SNX29: variants seen among roughly 807,000 people sequenced by gnomAD.
The protein encoded by SNX29 is sorting nexin 29.
A neutral mutation model predicts 102.1 loss-of-function variants in SNX29; 78 were observed. The observed-to-expected ratio is 0.76, with a 90% CI of 0.64 to 0.92. SNX29 has a LOEUF of 0.92. Among genes scored for constraint, SNX29 ranks in the 40% least tolerant of loss-of-function variants. The pLI is 0.00. For synonymous variants in SNX29, 580 were observed against 414.5 expected (o/e 1.40, Z -4.85); for missense variants, 1,280 against 1,061.7 (o/e 1.21, Z -2.86).
intron 14 of SNX29, among the ~76,000 whole-genome samples, chr16:12,274,616 A>G (rs2079189817): frequency 6.6e-6 from 1 of 150,908 alleles, no homozygotes; most frequent in Admixed American, 6.6e-5. Flanking sequence ...AGTTCACTGC[A>G]ACCTCTGCCT....
At chr16:12,214,111 A>T (rs537981343) in intron 14 of SNX29, among the ~76,000 whole-genome samples, 1 of 148,804 alleles carries the variant, frequency 6.7e-6, no homozygotes, top group Non-Finnish European at 1.5e-5. Flanking sequence ...GTAACGTTTT[A>T]TTTGTTCGAC....
intron 11 of SNX29, among the ~76,000 whole-genome samples, chr16:12,118,048 G>T (rs1427769988): frequency 6.6e-6 from 1 of 151,392 alleles, no homozygotes; most frequent in Non-Finnish European, 1.5e-5. Flanking sequence ...AGTGAGCCGA[G>T]ATCCCACCAC....
At chr16:12,362,371 T>C (rs2082324666) in intron 16 of SNX29, among the ~76,000 whole-genome samples, 1 of 152,102 alleles carries the variant, frequency 6.6e-6, no homozygotes, top group Non-Finnish European at 1.5e-5. Context: ...TCTTGGGGCT[T>C]TGGAAAGGGT....
intron 19 of SNX29, among the ~76,000 whole-genome samples, chr16:12,522,906 G>A (rs1376294570): frequency 6.6e-6 from 1 of 152,168 alleles, no homozygotes; most frequent in African/African-American, 2.4e-5. Context: ...TACCTCTCGG[G>A]CTTAAGCAGT....
intron 15 of SNX29, among the ~76,000 whole-genome samples, chr16:12,351,134 T>C (rs910491565): frequency 2.6e-5 from 4 of 152,206 alleles, no homozygotes; most frequent in African/African-American, 9.6e-5. Flanking sequence ...AAGGAAAGCA[T>C]GCCAGCCCTG....
intron 11 of SNX29, among the ~76,000 whole-genome samples, chr16:12,114,921 G>C (rs1011539386): frequency 2.0e-5 from 3 of 152,146 alleles, no homozygotes; most frequent in African/African-American, 7.2e-5. Flanking sequence ...TGATTTGGAG[G>C]GTCGAATGAG....
chr16:12,166,333 G>A (rs548139447), intron 13 of SNX29, among the ~76,000 whole-genome samples: 8 of 152,150 alleles, frequency 5.3e-5, no homozygotes, highest in African/African-American at 1.7e-4. Context: ...AGCAGTGAGC[G>A]CTGGAAGCAA....
At chr16:12,335,875 A>G (rs1025749018) in intron 15 of SNX29, among the ~76,000 whole-genome samples, 1 of 151,858 alleles carries the variant, frequency 6.6e-6, no homozygotes, top group Non-Finnish European at 1.5e-5. Flanking sequence ...GGATCACCAC[A>G]TGCTCAAGCT....
intron 18 of SNX29, among the ~76,000 whole-genome samples, chr16:12,462,374 G>T (rs1483322800): frequency 5.3e-5 from 8 of 152,110 alleles, no homozygotes; most frequent in Admixed American, 5.2e-4. Flanking sequence ...GAAGAGGGAG[G>T]ATTGGAGGTG....
intron 15 of SNX29, 107 bp from the exon 16 acceptor site, chr16:12,356,056 A>C: frequency 1.1e-6 from 1 of 945,356 alleles, no homozygotes; most frequent in Non-Finnish European, 1.6e-6. Flanking sequence ...CCAACAGCCT[A>C]CAGATGTTTT....
chr16:12,290,159 G>A (rs1051544450), intron 15 of SNX29, among the ~76,000 whole-genome samples: 1 of 152,042 alleles, frequency 6.6e-6, no homozygotes, highest in Non-Finnish European at 1.5e-5. Flanking sequence ...TAGCATTTAG[G>A]TTCCTGTAAA....
At chr16:12,127,614 G>C (rs2054275255) in intron 12 of SNX29, among the ~76,000 whole-genome samples, 1 of 152,086 alleles carries the variant, frequency 6.6e-6, no homozygotes. Context: ...TAGAGTTGGG[G>C]TTTTGACAGG....
At chr16:12,341,020 G>C (rs1233905049) in intron 15 of SNX29, among the ~76,000 whole-genome samples, 1 of 152,164 alleles carries the variant, frequency 6.6e-6, no homozygotes, top group Non-Finnish European at 1.5e-5. Flanking sequence ...TGGGCATAAT[G>C]CCTTGAAGAG....
intron 20 of SNX29, among the ~76,000 whole-genome samples, chr16:12,537,662 T>A (rs147791477): frequency 1.3e-4 from 20 of 152,334 alleles, no homozygotes; most frequent in African/African-American, 4.1e-4. Flanking sequence ...TTTGCCCTAC[T>A]TCATGTCTTT....
At chr16:12,546,571 T>G (rs2077619170) in intron 20 of SNX29, 2 of 152,230 alleles carry the variant, frequency 1.3e-5, no homozygotes, top group African/African-American at 4.8e-5. Flanking sequence ...GACACATGGT[T>G]TGGCTGTGTC....
At chr16:12,111,320 A>C (rs541503821) in intron 11 of SNX29, among the ~76,000 whole-genome samples, 1 of 152,136 alleles carries the variant, frequency 6.6e-6, no homozygotes, top group African/African-American at 2.4e-5. Context: ...CACAAAATCC[A>C]TGTTTTTGCT....
At chr16:12,396,464 G>T (rs958480020) in intron 16 of SNX29, among the ~76,000 whole-genome samples, 1 of 152,158 alleles carries the variant, frequency 6.6e-6, no homozygotes, top group African/African-American at 2.4e-5. Context: ...TGGCTTGTGA[G>T]TCCCCCTCTG....
intron 15 of SNX29, among the ~76,000 whole-genome samples, chr16:12,299,436 C>A (rs1287235026): frequency 6.6e-6 from 1 of 152,208 alleles, no homozygotes; most frequent in Non-Finnish European, 1.5e-5. Context: ...CCTGAGTCCT[C>A]AAGAGTAGTT....
At chr16:12,202,645 A>G (rs985188094) in intron 14 of SNX29, among the ~76,000 whole-genome samples, 3 of 152,240 alleles carry the variant, frequency 2.0e-5, no homozygotes, top group African/African-American at 7.2e-5. Flanking sequence ...GAGCCAGTGT[A>G]GGGAAGTTTC....
Sources: allele counts gnomAD v4.1 joint callset (sites outside exome capture counted in the v4.1 genomes callset), GRCh38; gene constraint gnomAD v4.1.1; transcripts MANE v1.5; gene names NCBI Gene and HGNC (gene_info 2026-07-23, HGNC 2026-07-21).